Variants in SFT2D2 observed in about 807,000 individuals in gnomAD.
SFT2D2 encodes vesicle transport protein SFT2B.
A neutral mutation model predicts 27.4 loss-of-function variants in SFT2D2; 21 were observed. The ratio of observed to expected loss-of-function variants is 0.77; its 90% confidence interval spans 0.54 to 1.10. The LOEUF is 1.10. Among genes scored for constraint, SFT2D2 ranks in the 50% least tolerant of loss-of-function variants. The pLI, the probability that SFT2D2 is intolerant of heterozygous loss-of-function variation, is 0.00. For synonymous variants in SFT2D2, 72 were observed against 71.7 expected (o/e 1.00, Z -0.02); for missense variants, 187 against 194.2 (o/e 0.96, Z 0.22).
At position 168,247,009 on chromosome 1, in the gene SFT2D2, T is replaced by C. The variant is rs1647834742; in HGVS notation, c.*4469T>C. On this transcript the variant is annotated 3_prime_UTR_variant, in exon 8 of 8. Coordinates refer to ENST00000271375, the MANE Select transcript of SFT2D2 (RefSeq NM_199344.3). ...AACAGGTCTTCTTCTTTTTCATGAC[T>C]ATCAGAAATCTCAAACTGCAGAGTT... is the stretch of plus-strand genomic sequence containing the variant. 1.9e-6 allele frequency: 1 copy of C among 517,022 alleles called. No individual in the cohort carries two copies. The highest frequency in any genetic ancestry group is 2.0e-5 in the African/African-American group (1 of 50,332). The allele number at this position is 517,022 out of a possible 1,614,324, so 32.0% of individuals were successfully genotyped here.
In SFT2D2 at chr1:168,250,255, C is replaced by A. The variant is rs1647920614; in HGVS notation, c.*7715C>A. 1 of 152,120 alleles carries A rather than the reference C, an allele frequency of 6.6e-6. No individual in the cohort carries two copies. The highest frequency in any genetic ancestry group is 2.1e-4 in the South Asian group (1 of 4,830). 9.4% of individuals were successfully genotyped at this position (152,120 alleles called of 1,614,324 possible). Reference sequence around the variant, plus strand: ...AGTTGCCTTATTCTTTGGTTGTTTCCCTACTTGTTTTTGTTAGACTGTGGG... The same window carrying A: ...AGTTGCCTTATTCTTTGGTTGTTTCACTACTTGTTTTTGTTAGACTGTGGG... On this transcript the variant is annotated 3_prime_UTR_variant, in exon 8 of 8. Transcript: ENST00000271375.
In SFT2D2 at chr1:168,252,046, C is replaced by T. The variant is rs1647964128; in HGVS notation, c.*9506C>T. 1 of 152,050 alleles carries T rather than the reference C, an allele frequency of 6.6e-6. No homozygotes were observed. The highest frequency in any genetic ancestry group is 1.5e-5 in the Non-Finnish European group (1 of 68,030). 9.4% of individuals were successfully genotyped at this position (152,050 alleles called of 1,614,324 possible). ...TCACTTCTACCCTAAATTCATAGTC[C>T]CTGATACTTAAGCTTTACCCTTGGC... On this transcript the variant is annotated 3_prime_UTR_variant, in exon 8 of 8. Coordinates refer to ENST00000271375, the MANE Select transcript of SFT2D2 (RefSeq NM_199344.3).
intron 1 of SFT2D2, 61 bp downstream of exon 1, chr1:168,226,203 C>T: frequency 1.4e-6 from 2 of 1,464,760 alleles, no homozygotes; most frequent in Admixed American, 2.3e-5. Flanking sequence ...GTCCCCTGCC[C>T]GGGCCTGGGA....
Position 168,246,240 on chromosome 1 carries a change from G to A in SFT2D2, c.*3700G>A, listed in dbSNP as rs1180262880. ...GCACTCAGCTTGAAGATTTTGTGCT[G>A]TAGCATCACATTTGGCTTGACTATC... On this transcript the variant is annotated 3_prime_UTR_variant, in exon 8 of 8. Coordinates refer to ENST00000271375, the MANE Select transcript of SFT2D2 (RefSeq NM_199344.3). The A allele has an allele frequency of 3.0e-6, 1 of 330,556 alleles. No homozygotes were observed. Among genetic ancestry groups the A allele is most frequent in the Non-Finnish European group, 5.9e-6 (1 of 170,734 alleles). The allele number at this position is 330,556 out of a possible 1,614,324, so 20.5% of individuals were successfully genotyped here.
chr1:168,246,755 A>G lies in SFT2D2; in HGVS notation c.*4215A>G, dbSNP rs779145573. 6.4e-6 allele frequency: 5 copies of G among 779,880 alleles called. No individual in the cohort carries two copies. The highest frequency in any genetic ancestry group is 1.1e-5 in the Non-Finnish European group (5 of 460,776). 48.3% of individuals were successfully genotyped at this position (779,880 alleles called of 1,614,324 possible). A position where few individuals can be genotyped will look rare whatever the true frequency, so the allele number is the denominator to read the frequency against. ...TTTGTTTTTCCTTCTCCAGTTTAGA[A>G]CGGAGCATTGTGTTCTCATCTGTCA... On this transcript the variant is annotated 3_prime_UTR_variant, in exon 8 of 8. Transcript: ENST00000271375.
chr1:168,249,770 G>A lies in SFT2D2; in HGVS notation c.*7230G>A, dbSNP rs1647908781. ...TTGTGGGAATAACAGTTCCTGCTGGGTCATTGCAAGATGTCAGTGAGACGT... is the reference window on the plus strand; with the variant it reads ...TTGTGGGAATAACAGTTCCTGCTGGATCATTGCAAGATGTCAGTGAGACGT... On this transcript the variant is annotated 3_prime_UTR_variant, in exon 8 of 8. Coordinates refer to ENST00000271375, the MANE Select transcript of SFT2D2 (RefSeq NM_199344.3). 1 of 152,398 alleles carries A rather than the reference G, an allele frequency of 6.6e-6. No homozygotes were observed. The highest frequency in any genetic ancestry group is 1.5e-5 in the Non-Finnish European group (1 of 68,050). 9.4% of individuals were successfully genotyped at this position (152,398 alleles called of 1,614,324 possible). A position where few individuals can be genotyped will look rare whatever the true frequency, so the allele number is the denominator to read the frequency against.
Position 168,236,732 on chromosome 1 carries a change from ACTTAT to A in SFT2D2, c.379_383del (p.Ile127LeufsTer55). On this transcript the variant is annotated frameshift_variant, in exon 6 of 8. Coordinates refer to ENST00000271375, the MANE Select transcript of SFT2D2 (RefSeq NM_199344.3). LOFTEE classifies it high-confidence loss of function. Reference sequence around the variant, plus strand: ...TCCAGTGGCATAACAAGGGACTTGCACTTATCTTCTGCATTTTGCAGTCTTTGGCA... The same window carrying A: ...TCCAGTGGCATAACAAGGGACTTGCACTTCTGCATTTTGCAGTCTTTGGCA... The A allele has an allele frequency of 7.4e-6, 12 of 1,614,196 alleles. No individual in the cohort carries two copies. The highest frequency in any genetic ancestry group is 1.3e-5 in the African/African-American group (1 of 75,056).
rs1647856515 is a variant in SFT2D2 at position 168,247,664 on chromosome 1, A to G, written c.*5124A>G. On this transcript the variant is annotated 3_prime_UTR_variant, in exon 8 of 8. Coordinates refer to ENST00000271375, the MANE Select transcript of SFT2D2 (RefSeq NM_199344.3). ...GTGCATGTGTCTTTATAGTAGAATG[A>G]TTTATAACCCTTTGGGTATATACCC... 3 of 152,066 alleles carry G rather than the reference A, an allele frequency of 2.0e-5. No individual in the cohort carries two copies. The highest frequency in any genetic ancestry group is 7.2e-5 in the African/African-American group (3 of 41,454). The allele number at this position is 152,066 out of a possible 1,614,324, so 9.4% of individuals were successfully genotyped here. A position where few individuals can be genotyped will look rare whatever the true frequency, so the allele number is the denominator to read the frequency against.
At chr1:168,240,535 C>T (rs1572455303) in intron 7 of SFT2D2, among the ~76,000 whole-genome samples, 1 of 152,126 alleles carries the variant, frequency 6.6e-6, no homozygotes, top group Admixed American at 6.5e-5. Context: ...ATTGATCAAC[C>T]TGCCAACATA....
At chr1:168,232,356 G>A (rs1380158000) in intron 3 of SFT2D2, among the ~76,000 whole-genome samples, 2 of 152,188 alleles carry the variant, frequency 1.3e-5, no homozygotes, top group African/African-American at 2.4e-5. Context: ...GCATCTGAGC[G>A]CTTCCTGGAG....
rs1647776145 is a variant in SFT2D2, at chr1:168,245,194, C to G, written c.*2654C>G. On this transcript the variant is annotated 3_prime_UTR_variant, in exon 8 of 8. Transcript: ENST00000271375. The stretch of plus-strand genomic sequence containing the variant: ...ACTGTCTATTCACAGATATTATCAT[C>G]TATGTAGAAAACCAAATCAAATCCA... 6.6e-6 allele frequency: 1 copy of G among 152,158 alleles called. No individual in the cohort carries two copies. The highest frequency in any genetic ancestry group is 2.4e-5 in the African/African-American group (1 of 41,422). The allele number at this position is 152,158 out of a possible 1,614,324, so 9.4% of individuals were successfully genotyped here.
rs552919669 is a variant in SFT2D2, at chr1:168,237,852, T to C, written c.413+1082T>C. Among the ~76,000 whole-genome samples, 5 of 133,956 alleles carry C rather than the reference T, an allele frequency of 3.7e-5. No individual in the cohort carries two copies. In the South Asian group the frequency reaches 1.3e-3, roughly 34 times the overall value. 87.9% of individuals were successfully genotyped at this position (133,956 alleles called of 152,430 possible). ...TGGTGTTTGTGTTTATGTGTGTGTG[T>C]GTGTGTATGTTTTTTTTTTTTTTAA... On this transcript the variant is annotated intron_variant, in intron 6 of 7. Coordinates refer to ENST00000271375, the MANE Select transcript of SFT2D2 (RefSeq NM_199344.3).
rs1422709287 is a variant in SFT2D2, at chr1:168,247,081, TC to T, written c.*4542del. The T allele has an allele frequency of 2.6e-6, 1 of 391,180 alleles. No homozygotes were observed. Among genetic ancestry groups the T allele is most frequent in the Non-Finnish European group, 5.1e-6 (1 of 196,900 alleles). 24.2% of individuals were successfully genotyped at this position (391,180 alleles called of 1,614,324 possible). The stretch of plus-strand genomic sequence containing the variant: ...GATATTCTGTGATATTTCTTTTTTT[TC>T]AGATAGTCTCTTTTGTAGTACACTA... On this transcript the variant is annotated 3_prime_UTR_variant, in exon 8 of 8. Coordinates refer to ENST00000271375, the MANE Select transcript of SFT2D2 (RefSeq NM_199344.3).
intron 3 of SFT2D2, among the ~76,000 whole-genome samples, chr1:168,233,765 C>T (rs183494742): frequency 2.6e-5 from 4 of 152,260 alleles, no homozygotes; most frequent in East Asian, 1.9e-4. Flanking sequence ...CTGGATTCTT[C>T]ATAGACTGTG....
At chr1:168,230,731 T>C (rs1314020643) in intron 1 of SFT2D2, among the ~76,000 whole-genome samples, 1 of 152,160 alleles carries the variant, frequency 6.6e-6, no homozygotes, top group African/African-American at 2.4e-5. Context: ...CACCTTGGTC[T>C]CCCAAGGTGC....
chr1:168,233,649 G>T (rs191664467), intron 3 of SFT2D2, among the ~76,000 whole-genome samples: 12 of 152,186 alleles, frequency 7.9e-5, no homozygotes, highest in Admixed American at 3.9e-4. Context: ...TGGGTGGGGG[G>T]GTGTTTTGGG....
At position 168,246,481 on chromosome 1, in the gene SFT2D2, T is replaced by C. The variant is rs1020276005; in HGVS notation, c.*3941T>C. ...TATGTGTTCAAAAACCAAAGCGTTT[T>C]CTTTCAGAGCCTCTCTTGTGTTATG... On this transcript the variant is annotated 3_prime_UTR_variant, in exon 8 of 8. Coordinates refer to ENST00000271375, the MANE Select transcript of SFT2D2 (RefSeq NM_199344.3). 2.1e-6 allele frequency: 3 copies of C among 1,399,518 alleles called. No homozygotes were observed. The highest frequency in any genetic ancestry group is 9.7e-7 in the Non-Finnish European group (1 of 1,035,714). 86.7% of individuals were successfully genotyped at this position (1,399,518 alleles called of 1,614,324 possible).
rs953583271 is a variant in SFT2D2, at chr1:168,243,260, A to C, written c.*720A>C. 24 of 150,026 alleles carry C rather than the reference A, an allele frequency of 1.6e-4. No individual in the cohort carries two copies. In the East Asian group the frequency reaches 4.5e-3, roughly 28 times the overall value. 9.3% of individuals were successfully genotyped at this position (150,026 alleles called of 1,614,324 possible). On this transcript the variant is annotated 3_prime_UTR_variant, in exon 8 of 8. Coordinates refer to ENST00000271375, the MANE Select transcript of SFT2D2 (RefSeq NM_199344.3). ...ATATCTTTCTTTATGACCTCCTGGC[A>C]CTAGATGGGGAAAGAACAGAGCAGC... is the stretch of plus-strand genomic sequence containing the variant.
At position 168,246,114 on chromosome 1, in the gene SFT2D2, C is replaced by G. The variant is rs777903533; in HGVS notation, c.*3574C>G. ...TGTTGAAGTTGTCTCACAACTACTT[C>G]TCTTTCTGCTTTCTCTCTTTCATAT... On this transcript the variant is annotated 3_prime_UTR_variant, in exon 8 of 8. Transcript: ENST00000271375. 5.9e-5 allele frequency: 14 copies of G among 238,206 alleles called. No homozygotes were observed. The highest frequency in any genetic ancestry group is 2.8e-4 in the African/African-American group (12 of 42,222). 14.8% of individuals were successfully genotyped at this position (238,206 alleles called of 1,614,324 possible). A position where few individuals can be genotyped will look rare whatever the true frequency, so the allele number is the denominator to read the frequency against.
Sources: gnomAD v4.1 joint callset for allele counts (sites outside exome capture counted in the v4.1 genomes callset) on GRCh38, gnomAD v4.1.1 for gene constraint, MANE v1.5 for transcripts, NCBI Gene and HGNC (gene_info 2026-07-23, HGNC 2026-07-21) for gene names.